GRIK1: variants seen among roughly 807,000 people sequenced by gnomAD.
The protein encoded by GRIK1 is glutamate ionotropic receptor kainate type subunit 1.
A neutral mutation model predicts 105.7 loss-of-function variants in GRIK1; 69 were observed. That is an observed-to-expected ratio of 0.65 (90% CI 0.54 to 0.80). The LOEUF is 0.80. Ranked by LOEUF, GRIK1 falls within the 30% of genes least tolerant of loss-of-function variation. The pLI is 0.00. For missense variants in GRIK1, 1,109 were observed against 1,167.3 expected (o/e 0.95, Z 0.73); for synonymous variants, 438 against 431.3 (o/e 1.02, Z -0.19).
chr21:29,717,327 C>T lies in GRIK1; in HGVS notation c.119-23264G>A, dbSNP rs530441176. ...GAGAAGGGGGCCACCATCCTCCAGA[C>T]CCCAGGATGATAGATCCACCAACAG... On this transcript the variant is annotated intron_variant, in intron 1 of 17. Transcript: ENST00000327783. 1.1e-4 allele frequency among the ~76,000 whole-genome samples: 16 copies of T among 152,322 alleles called. No homozygotes were observed. The South Asian group carries it at 3.3e-3, about 32-fold the overall frequency.
chr21:29,735,001 C>T (rs554714912), intron 1 of GRIK1, among the ~76,000 whole-genome samples: 1 of 152,310 alleles, frequency 6.6e-6, no homozygotes, highest in South Asian at 2.1e-4. Flanking sequence ...ACCTCCCTGC[C>T]TATCCAAGTC....
chr21:29,648,349 T>C (rs35539444), intron 6 of GRIK1, among the ~76,000 whole-genome samples: 4,990 of 152,198 alleles, frequency 0.033, 128 homozygotes, highest in South Asian at 0.047. Context: ...TGACTAATTT[T>C]AAAAAAACAC....
chr21:29,596,324 C>T (rs898596692), intron 9 of GRIK1: 1 of 697,454 alleles, frequency 1.4e-6, no homozygotes, highest in Non-Finnish European at 2.6e-6. Flanking sequence ...ATTTAATCCA[C>T]TGCAAACCTG....
chr21:29,913,139 G>T (rs905616216), intron 1 of GRIK1, among the ~76,000 whole-genome samples: 5 of 152,018 alleles, frequency 3.3e-5, no homozygotes, highest in Non-Finnish European at 7.4e-5. Flanking sequence ...CACCTGTGTT[G>T]CCCTGGCAGT....
intron 1 of GRIK1, among the ~76,000 whole-genome samples, chr21:29,744,882 A>G (rs1318658364): frequency 6.6e-6 from 1 of 151,300 alleles, no homozygotes; most frequent in East Asian, 1.9e-4. Context: ...TTTGACCTGT[A>G]TTTTACAGAA....
intron 1 of GRIK1, among the ~76,000 whole-genome samples, chr21:29,810,697 A>G (rs774315788): frequency 7.2e-5 from 11 of 152,174 alleles, no homozygotes; most frequent in Non-Finnish European, 1.0e-4. Context: ...TTAACACAGC[A>G]TTGGTGTAAT....
At chr21:29,816,287 C>G (rs1016540858) in intron 1 of GRIK1, among the ~76,000 whole-genome samples, 1 of 151,840 alleles carries the variant, frequency 6.6e-6, no homozygotes, top group Non-Finnish European at 1.5e-5. Flanking sequence ...ATCAAAAAGA[C>G]AAAAAATAGC....
chr21:29,867,842 A>G (rs922497056), intron 1 of GRIK1, among the ~76,000 whole-genome samples: 6 of 149,100 alleles, frequency 4.0e-5, no homozygotes, highest in South Asian at 2.1e-4. Context: ...GAAAGAAAGA[A>G]GGAAGGAAAG....
chr21:29,599,312 C>T (rs2061474407), intron 7 of GRIK1, among the ~76,000 whole-genome samples: 1 of 152,148 alleles, frequency 6.6e-6, no homozygotes, highest in Non-Finnish European at 1.5e-5. Flanking sequence ...AAGTGAGTCC[C>T]TGCTTTTTCT....
rs138644432 is a variant in GRIK1 at position 29,627,039 on chromosome 21, T to C, written c.1098+15787A>G. On this transcript the variant is annotated intron_variant, in intron 7 of 17. Coordinates refer to ENST00000327783, the MANE Select transcript of GRIK1 (RefSeq NM_001330994.2). ...ATGAAAATATTTTAAGACAGGAAAATATGGTTTAAATAAACCCTCTGGGTT... is the reference window on the plus strand; with the variant it reads ...ATGAAAATATTTTAAGACAGGAAAACATGGTTTAAATAAACCCTCTGGGTT... Among the ~76,000 whole-genome samples, 15 of 152,304 alleles carry C rather than the reference T, an allele frequency of 9.8e-5. No individual in the cohort carries two copies. In the East Asian group the frequency reaches 2.9e-3, roughly 29 times the overall value.
intron 1 of GRIK1, among the ~76,000 whole-genome samples, chr21:29,811,679 G>A (rs79083405): frequency 0.024 from 3,675 of 152,184 alleles, 112 homozygotes; most frequent in East Asian, 0.1. Context: ...ATGGAACACA[G>A]GAATCTTGCT....
chr21:29,791,049 G>C (rs1354391068), intron 1 of GRIK1, among the ~76,000 whole-genome samples: 1 of 152,168 alleles, frequency 6.6e-6, no homozygotes, highest in Non-Finnish European at 1.5e-5. Context: ...GGAACAGTTA[G>C]TGCAAAAGTC....
chr21:29,727,735 T>G (rs1367696592), intron 1 of GRIK1, among the ~76,000 whole-genome samples: 1 of 152,128 alleles, frequency 6.6e-6, no homozygotes, highest in Non-Finnish European at 1.5e-5. Context: ...TTAGTCAGGG[T>G]TCTTCAAAGA....
intron 7 of GRIK1, among the ~76,000 whole-genome samples, chr21:29,615,460 C>T (rs917458443): frequency 1.3e-5 from 2 of 152,272 alleles, no homozygotes; most frequent in African/African-American, 4.8e-5. Context: ...CAGGCACCTG[C>T]CATCATGCCT....
At chr21:29,598,768 T>C (rs1429213351) in intron 8 of GRIK1, 62 bp downstream of exon 8, 1 of 739,634 alleles carries the variant, frequency 1.4e-6, no homozygotes, top group Non-Finnish European at 2.3e-6. Context: ...CTTTGCAATT[T>C]AGTAAAAATG....
chr21:29,938,821 G>C (rs1308222112), intron 1 of GRIK1, among the ~76,000 whole-genome samples: 1 of 143,780 alleles, frequency 7.0e-6, no homozygotes, highest in African/African-American at 2.6e-5. Flanking sequence ...AGTGGAACCC[G>C]TCAGAGTTGG....
intron 14 of GRIK1, among the ~76,000 whole-genome samples, chr21:29,575,369 G>A (rs1473978532): frequency 2.0e-5 from 3 of 152,062 alleles, no homozygotes; most frequent in East Asian, 1.9e-4. Context: ...TTGGTACAAC[G>A]TATGTTATTT....
intron 1 of GRIK1, among the ~76,000 whole-genome samples, chr21:29,937,433 TTG>T (rs2071801240): frequency 6.6e-6 from 1 of 152,230 alleles, no homozygotes; most frequent in Admixed American, 6.5e-5. Flanking sequence ...CATTATCTTG[TTG>T]CATATATTTG....
chr21:29,888,199 C>CTTTCTTTCTTTCTTTCTTTCTT (rs1391865067), intron 1 of GRIK1, among the ~76,000 whole-genome samples: 8 of 15,814 alleles, frequency 5.1e-4, no homozygotes, highest in South Asian at 3.7e-3. Flanking sequence ...CTTTCTTTCT[C>CTTTCTTTCTTTCTTTCTTTCTT]TCTCTCTCTC....
Sources: gnomAD v4.1 joint callset for allele counts (sites outside exome capture counted in the v4.1 genomes callset) on GRCh38, gnomAD v4.1.1 for gene constraint, MANE v1.5 for transcripts, NCBI Gene and HGNC (gene_info 2026-07-23, HGNC 2026-07-21) for gene names.